The following MCU variants were observed in gnomAD, a reference collection of about 807,000 sequenced individuals.
The protein encoded by MCU is calcium uniporter protein, mitochondrial.
A neutral mutation model predicts 45.2 loss-of-function variants in MCU; 12 were observed. The ratio of observed to expected loss-of-function variants is 0.27; its 90% confidence interval spans 0.17 to 0.43. The LOEUF is 0.43. MCU is among the 20% of genes least tolerant of loss of function. MCU has a pLI of 1.00. For synonymous variants in MCU, 160 were observed against 165.1 expected (o/e 0.97, Z 0.24); for missense variants, 324 against 436.7 (o/e 0.74, Z 2.30).
chr10:72,853,210 A>G (rs1260943015), intron 2 of MCU, among the ~76,000 whole-genome samples: 1 of 152,232 alleles, frequency 6.6e-6, no homozygotes, highest in African/African-American at 2.4e-5. Flanking sequence ...AGATAATGGA[A>G]TAAACAGCCA....
chr10:72,858,808 G>A (rs1338504189), intron 2 of MCU, among the ~76,000 whole-genome samples: 1 of 152,148 alleles, frequency 6.6e-6, no homozygotes, highest in African/African-American at 2.4e-5. Context: ...CGTCCTACAG[G>A]CTATGAAGTC....
chr10:72,871,382 A>G lies in MCU; in HGVS notation c.663A>G (p.Arg221=). 6.2e-7 allele frequency: 1 copy of G among 1,613,872 alleles called. No homozygotes were observed. The highest frequency in any genetic ancestry group is 2.2e-5 in the East Asian group (1 of 44,898). Residue 221 remains arginine, a synonymous_variant, in exon 6 of 8, where the codon CGA becomes CGG. Coordinates refer to ENST00000373053, the MANE Select transcript of MCU (RefSeq NM_138357.3). ...TGATTATGTGTGCCCAATAGGTACGAATTGAGATTAGCAGAAAAGCTGAGA... is the reference window on the plus strand; with the variant it reads ...TGATTATGTGTGCCCAATAGGTACGGATTGAGATTAGCAGAAAAGCTGAGA... ...KEQLAPLEKV[R]IEISRKAEKR...
At chr10:72,761,909 T>C (rs1057306788) in intron 1 of MCU, among the ~76,000 whole-genome samples, 2 of 152,142 alleles carry the variant, frequency 1.3e-5, no homozygotes, top group Non-Finnish European at 2.9e-5. Context: ...AGAGCTTAGC[T>C]CCCACTTGTA....
At chr10:72,778,294 A>G (rs1021365432) in intron 1 of MCU, among the ~76,000 whole-genome samples, 1 of 152,254 alleles carries the variant, frequency 6.6e-6, no homozygotes, top group African/African-American at 2.4e-5. Context: ...TCAATGGATG[A>G]AAGGATAAAG....
At chr10:72,863,125 TCCTCTG>T (rs1449989890) in intron 4 of MCU, among the ~76,000 whole-genome samples, 1 of 152,190 alleles carries the variant, frequency 6.6e-6, no homozygotes, top group Non-Finnish European at 1.5e-5. Context: ...TTGCCCACTT[TCCTCTG>T]CCTAAGATGT....
intron 4 of MCU, among the ~76,000 whole-genome samples, chr10:72,865,763 GT>G (rs111556239): frequency 5.0e-4 from 63 of 125,326 alleles, no homozygotes; most frequent in Middle Eastern, 4.7e-3. Flanking sequence ...GTGTGGTTTT[GT>G]TTTTTTTTTT....
intron 1 of MCU, among the ~76,000 whole-genome samples, chr10:72,822,980 GT>G (rs1844737489): frequency 6.6e-6 from 1 of 152,102 alleles, no homozygotes; most frequent in Admixed American, 6.5e-5. Flanking sequence ...TGTTATCAGA[GT>G]TCCCATGGGA....
chr10:72,723,208 AAAAG>A (rs1380761686), intron 1 of MCU, among the ~76,000 whole-genome samples: 2 of 152,298 alleles, frequency 1.3e-5, no homozygotes, highest in East Asian at 3.9e-4. Context: ...AAAAAAGAAA[AAAAG>A]AAAATGTTTA....
chr10:72,700,486 A>G (rs1842746462), intron 1 of MCU, among the ~76,000 whole-genome samples: 1 of 152,222 alleles, frequency 6.6e-6, no homozygotes, highest in South Asian at 2.1e-4. Flanking sequence ...AAAACAATGC[A>G]TTTATTTCAC....
chr10:72,863,363 G>T (rs1227981824), intron 4 of MCU, among the ~76,000 whole-genome samples: 2 of 152,172 alleles, frequency 1.3e-5, no homozygotes, highest in Non-Finnish European at 2.9e-5. Context: ...AATTAAATGT[G>T]TTCGCTGGGT....
chr10:72,843,694 A>T (rs949267464), intron 2 of MCU, among the ~76,000 whole-genome samples: 2 of 152,086 alleles, frequency 1.3e-5, no homozygotes, highest in African/African-American at 4.8e-5. Flanking sequence ...CAATATGTTT[A>T]TTTTTGTAAG....
intron 1 of MCU, among the ~76,000 whole-genome samples, chr10:72,770,899 T>G (rs993564697): frequency 6.6e-6 from 1 of 152,178 alleles, no homozygotes; most frequent in African/African-American, 2.4e-5. Context: ...CTGGAACTCT[T>G]CGTTTTTTTT....
At chr10:72,734,370 T>G (rs1251674020) in intron 1 of MCU, among the ~76,000 whole-genome samples, 5 of 152,234 alleles carry the variant, frequency 3.3e-5, no homozygotes, top group Admixed American at 3.3e-4. Context: ...AAAATATACA[T>G]TGGATTATTT....
intron 2 of MCU, among the ~76,000 whole-genome samples, chr10:72,852,648 A>G (rs1175210169): frequency 6.6e-6 from 1 of 152,206 alleles, no homozygotes; most frequent in Non-Finnish European, 1.5e-5. Flanking sequence ...GAGAGGGGAA[A>G]CAGAGCTTGG....
intron 1 of MCU, among the ~76,000 whole-genome samples, chr10:72,772,864 C>A (rs1004126765): frequency 6.6e-6 from 1 of 151,918 alleles, no homozygotes; most frequent in Non-Finnish European, 1.5e-5. Flanking sequence ...AGTTTGTGAG[C>A]TTTCTGATTA....
Position 72,805,225 on chromosome 10 carries a change from CTT to C in MCU, c.151-29130_151-29129del, listed in dbSNP as rs200969363. 9.8e-3 allele frequency among the ~76,000 whole-genome samples: 1,278 copies of C among 130,984 alleles called. 32 individuals are homozygous for C. The highest frequency in any genetic ancestry group is 0.038 in the African/African-American group (1,209 of 32,126). The allele number at this position is 130,984 out of a possible 152,430, so 85.9% of individuals were successfully genotyped here. A position where few individuals can be genotyped will look rare whatever the true frequency, so the allele number is the denominator to read the frequency against. ...TCCTTTCTTCCTTTCCTTTCCTTTC[CTT>C]TTTCCTTTCCTTTTTCCTTTCCTTT... On this transcript the variant is annotated intron_variant, in intron 1 of 7. Transcript: ENST00000373053.
intron 2 of MCU, among the ~76,000 whole-genome samples, chr10:72,856,578 A>C (rs925359315): frequency 2.6e-5 from 4 of 152,090 alleles, no homozygotes; most frequent in African/African-American, 7.2e-5. Context: ...TTTGATTAGT[A>C]GGGATATAAA....
intron 4 of MCU, among the ~76,000 whole-genome samples, chr10:72,861,250 T>C (rs952396442): frequency 6.6e-6 from 1 of 151,926 alleles, no homozygotes; most frequent in African/African-American, 2.4e-5. Flanking sequence ...GGTCTTGAAC[T>C]TCTGGGCTCA....
intron 1 of MCU, among the ~76,000 whole-genome samples, chr10:72,831,683 T>G (rs1369292129): frequency 6.6e-6 from 1 of 152,178 alleles, no homozygotes; most frequent in Non-Finnish European, 1.5e-5. Context: ...ATAAAAGGAT[T>G]CGGAGTACCC....
Sources: gnomAD v4.1 joint callset for allele counts (sites outside exome capture counted in the v4.1 genomes callset) on GRCh38, gnomAD v4.1.1 for gene constraint, MANE v1.5 for transcripts, NCBI Gene and HGNC (gene_info 2026-07-23, HGNC 2026-07-21) for gene names.